Variants in TCERG1L observed in about 807,000 individuals in gnomAD.
TCERG1L encodes the protein transcription elongation regulator 1 like, also known as transcription elongation regulator 1-like protein.
In TCERG1L, 37 loss-of-function variants were observed where a neutral mutation model predicts 56.3. The observed-to-expected ratio is 0.66, with a 90% CI of 0.51 to 0.87. The LOEUF (loss-of-function observed/expected upper bound fraction) is 0.87. Ranked by LOEUF, TCERG1L falls within the 40% of genes least tolerant of loss-of-function variation. The probability of loss-of-function intolerance (pLI) is 0.00; values close to 1 mark genes in which losing one functional copy is unlikely to be tolerated. For synonymous variants in TCERG1L, 324 were observed against 326.3 expected (o/e 0.99, Z 0.08); for missense variants, 799 against 774.2 (o/e 1.03, Z -0.38).
intron 3 of TCERG1L, among the ~76,000 whole-genome samples, chr10:131,283,303 A>T (rs1846483995): frequency 1.3e-5 from 2 of 152,222 alleles, no homozygotes. Context: ...AGCAGTGACA[A>T]AGGAAGCTGA....
At chr10:131,182,164 T>A (rs545198495) in intron 4 of TCERG1L, among the ~76,000 whole-genome samples, 1 of 152,330 alleles carries the variant, frequency 6.6e-6, no homozygotes, top group Admixed American at 6.5e-5. Context: ...CATGTGTATA[T>A]CAAATATGCA....
intron 4 of TCERG1L, among the ~76,000 whole-genome samples, chr10:131,214,137 G>C (rs1156275521): frequency 6.6e-6 from 1 of 152,184 alleles, no homozygotes; most frequent in East Asian, 1.9e-4. Context: ...AAATGCACAG[G>C]CCTCCTGACA....
At chr10:131,286,154 C>T (rs1271771966) in intron 3 of TCERG1L, among the ~76,000 whole-genome samples, 1 of 152,180 alleles carries the variant, frequency 6.6e-6, no homozygotes, top group African/African-American at 2.4e-5. Context: ...CTTTTTGTCC[C>T]TTAAAACAGA....
chr10:131,153,920 C>T (rs544154599), intron 6 of TCERG1L, among the ~76,000 whole-genome samples: 19 of 152,222 alleles, frequency 1.2e-4, no homozygotes, highest in African/African-American at 2.9e-4. Context: ...TGAACCAGAG[C>T]GGGTATGGAG....
At chr10:131,194,704 C>G (rs774072672) in intron 4 of TCERG1L, among the ~76,000 whole-genome samples, 1 of 152,092 alleles carries the variant, frequency 6.6e-6, no homozygotes, top group African/African-American at 2.4e-5. Flanking sequence ...TGGAATTTAT[C>G]CAGGAGAAGG....
intron 3 of TCERG1L, among the ~76,000 whole-genome samples, chr10:131,270,470 G>A (rs1339117013): frequency 1.3e-5 from 2 of 152,206 alleles, no homozygotes; most frequent in Non-Finnish European, 2.9e-5. Flanking sequence ...TCAGAGATAA[G>A]CCAGAAATGC....
At chr10:131,104,617 A>C (rs979769443) in intron 9 of TCERG1L, among the ~76,000 whole-genome samples, 1 of 152,034 alleles carries the variant, frequency 6.6e-6, no homozygotes, top group African/African-American at 2.4e-5. Context: ...CCGATCTGAA[A>C]CCCCAATTAT....
At chr10:131,288,696 T>C (rs1846573895) in intron 3 of TCERG1L, among the ~76,000 whole-genome samples, 1 of 152,010 alleles carries the variant, frequency 6.6e-6, no homozygotes, top group South Asian at 2.1e-4. Flanking sequence ...GGGCCTTACA[T>C]CCAAAGTGTC....
At chr10:131,148,699 A>G (rs1205695824) in intron 6 of TCERG1L, among the ~76,000 whole-genome samples, 2 of 99,060 alleles carry the variant, frequency 2.0e-5, no homozygotes, top group African/African-American at 6.0e-5. Flanking sequence ...TCACGAGCTC[A>G]GGGTTGCAGG....
At chr10:131,245,307 G>C (rs535880207) in intron 4 of TCERG1L, among the ~76,000 whole-genome samples, 1 of 152,350 alleles carries the variant, frequency 6.6e-6, no homozygotes, top group South Asian at 2.1e-4. Flanking sequence ...ACCAGGCAGC[G>C]TGGCCAGGCC....
At chr10:131,297,181 T>A (rs1846704292) in intron 3 of TCERG1L, among the ~76,000 whole-genome samples, 1 of 152,236 alleles carries the variant, frequency 6.6e-6, no homozygotes, top group Non-Finnish European at 1.5e-5. Flanking sequence ...AGTTTGACGT[T>A]AGTGGTAGAT....
chr10:131,280,450 G>A (rs1279980577), intron 3 of TCERG1L, among the ~76,000 whole-genome samples: 1 of 151,226 alleles, frequency 6.6e-6, no homozygotes, highest in Non-Finnish European at 1.5e-5. Flanking sequence ...GGGGCTTCCA[G>A]GTCAAAGGTA....
At chr10:131,302,941 T>G (rs1846780742) in intron 3 of TCERG1L, among the ~76,000 whole-genome samples, 1 of 151,934 alleles carries the variant, frequency 6.6e-6, no homozygotes, top group Non-Finnish European at 1.5e-5. Flanking sequence ...TCCATGTCCC[T>G]GCAAAGGACA....
intron 4 of TCERG1L, among the ~76,000 whole-genome samples, chr10:131,251,853 T>C (rs1846114521): frequency 6.6e-6 from 1 of 152,172 alleles, no homozygotes; most frequent in African/African-American, 2.4e-5. Flanking sequence ...TTGGCAGTAC[T>C]TAACGCCAGC....
intron 8 of TCERG1L, among the ~76,000 whole-genome samples, chr10:131,119,554 G>A (rs528869795): frequency 2.0e-5 from 3 of 152,174 alleles, no homozygotes; most frequent in Non-Finnish European, 4.4e-5. Flanking sequence ...AAGAACAGGC[G>A]CATTCTGACT....
intron 3 of TCERG1L, among the ~76,000 whole-genome samples, chr10:131,285,250 T>C (rs1040631141): frequency 1.4e-4 from 21 of 151,746 alleles, no homozygotes; most frequent in Non-Finnish European, 2.8e-4. Context: ...TGGTGGCTCA[T>C]GCCTGTAATC....
At chr10:131,120,087 T>G (rs1190258395) in intron 8 of TCERG1L, among the ~76,000 whole-genome samples, 2 of 152,070 alleles carry the variant, frequency 1.3e-5, no homozygotes, top group African/African-American at 4.8e-5. Flanking sequence ...TAAGCAGGGG[T>G]GCTCTCTTCT....
At chr10:131,307,985 C>T (rs960472717) in intron 3 of TCERG1L, among the ~76,000 whole-genome samples, 2 of 152,110 alleles carry the variant, frequency 1.3e-5, no homozygotes, top group African/African-American at 4.8e-5. Context: ...CCCCTTCAGC[C>T]ATCTCTTCAA....
intron 3 of TCERG1L, among the ~76,000 whole-genome samples, chr10:131,291,448 A>T (rs1383265041): frequency 4.9e-5 from 2 of 40,902 alleles, no homozygotes; most frequent in East Asian, 9.4e-4. Context: ...TTTTTTTGAG[A>T]CGGAGTCTCG....
Sources: gnomAD v4.1 joint callset for allele counts (sites outside exome capture counted in the v4.1 genomes callset) on GRCh38, gnomAD v4.1.1 for gene constraint, MANE v1.5 for transcripts, NCBI Gene and HGNC (gene_info 2026-07-23, HGNC 2026-07-21) for gene names.